Variants in COL5A2 observed in about 807,000 individuals in gnomAD.
COL5A2 encodes the protein collagen alpha-2(V) chain.
Under a neutral mutation model 208.2 loss-of-function variants are expected in COL5A2, and 23 were observed. That is an observed-to-expected ratio of 0.11 (90% CI 0.08 to 0.16). COL5A2 has a LOEUF of 0.16. Ranked by LOEUF, COL5A2 falls within the 10% of genes least tolerant of loss-of-function variation. The probability of loss-of-function intolerance (pLI) is 1.00; values close to 1 mark genes in which losing one functional copy is unlikely to be tolerated. For synonymous variants in COL5A2, 625 were observed against 628.5 expected, an observed-to-expected ratio of 0.99 and a Z score of 0.08; for missense variants, 1,590 against 1,956.4, an observed-to-expected ratio of 0.81 and a Z score of 3.53.
chr2:189,360,580 G>A, the COL5A2 span, among the ~76,000 whole-genome samples: 1 of 151,862 alleles, frequency 6.6e-6, no homozygotes, highest in African/African-American at 2.4e-5. Flanking sequence ...TTACTCCACT[G>A]TAGTCAGAAA....
the COL5A2 span, among the ~76,000 whole-genome samples, chr2:189,262,189 G>A: frequency 6.6e-6 from 1 of 152,046 alleles, no homozygotes; most frequent in African/African-American, 2.4e-5. Context: ...CTTTAGAGTT[G>A]TTCCCATCTA....
intron 1 of COL5A2, among the ~76,000 whole-genome samples, chr2:189,141,121 A>C (rs1213360261): frequency 6.6e-6 from 1 of 152,164 alleles, no homozygotes; most frequent in African/African-American, 2.4e-5. Context: ...GGACTTTGAC[A>C]GGCAGAGATG....
rs74899147 is a variant in COL5A2, at chr2:189,103,505, G to A, written c.336+759C>T. ...AACAGTTTCTACTGCCTTGATCCCT[G>A]TGCCCATCTCATTTGGATACAACTG... On this transcript the variant is annotated intron_variant, in intron 3 of 53. Coordinates refer to ENST00000374866, the MANE Select transcript of COL5A2 (RefSeq NM_000393.5). Among the ~76,000 whole-genome samples, 1,082 of 152,122 alleles carry A rather than the reference G, an allele frequency of 7.1e-3. 13 individuals carry two copies. Among genetic ancestry groups the A allele is most frequent in the African/African-American group, 0.024 (995 of 41,528 alleles).
chr2:189,153,802 C>A (rs2105790946), intron 1 of COL5A2, among the ~76,000 whole-genome samples: 1 of 152,156 alleles, frequency 6.6e-6, no homozygotes, highest in South Asian at 2.1e-4. Flanking sequence ...TTTGGTTGTT[C>A]TGGCAACACG....
the COL5A2 span, among the ~76,000 whole-genome samples, chr2:189,237,604 A>T: frequency 2.6e-5 from 4 of 151,846 alleles, 1 homozygote; most frequent in African/African-American, 7.2e-5. Context: ...TATAAGTAGA[A>T]CATTACTGTG....
In COL5A2 at chr2:189,098,883, A is replaced by G. The variant is rs953888520; in HGVS notation, c.370-124T>C. The G allele has an allele frequency of 1.0e-4, 68 of 680,744 alleles. No individual in the cohort carries two copies. The African/African-American group carries it at 1.0e-3, about 10-fold the overall frequency. The allele number at this position is 680,744 out of a possible 1,614,324, so 42.2% of individuals were successfully genotyped here. A position where few individuals can be genotyped will look rare whatever the true frequency, so the allele number is the denominator to read the frequency against. ...TTTTTTTAACAAATGGATGTTGTCA[A>G]TTGATGACCATTTCCTCCTCTCCTT... On this transcript the variant is annotated intron_variant, in intron 4 of 53. Coordinates refer to ENST00000374866, the MANE Select transcript of COL5A2 (RefSeq NM_000393.5).
chr2:189,196,320 G>T (rs558433848), intron 1 of COL5A2, among the ~76,000 whole-genome samples: 1 of 149,368 alleles, frequency 6.7e-6, no homozygotes, highest in South Asian at 2.2e-4. Flanking sequence ...TATTCTGGCT[G>T]CATTTTCTTT....
At chr2:189,266,744 A>G in the COL5A2 span, among the ~76,000 whole-genome samples, 1 of 152,086 alleles carries the variant, frequency 6.6e-6, no homozygotes, top group Non-Finnish European at 1.5e-5. Context: ...ACTGAATTAT[A>G]CACTTTAAAG....
At chr2:189,373,419 T>C in the COL5A2 span, among the ~76,000 whole-genome samples, 3 of 152,166 alleles carry the variant, frequency 2.0e-5, no homozygotes, top group Admixed American at 1.3e-4. Context: ...CAAATATTCA[T>C]CAACCAAAGG....
At chr2:189,047,155 C>T (rs1685687840) in intron 45 of COL5A2, among the ~76,000 whole-genome samples, 1 of 151,610 alleles carries the variant, frequency 6.6e-6, no homozygotes, top group African/African-American at 2.4e-5. Context: ...AGCACTTGTA[C>T]ATTTAGAATT....
At chr2:189,408,114 T>G in the COL5A2 span, among the ~76,000 whole-genome samples, 1 of 152,194 alleles carries the variant, frequency 6.6e-6, no homozygotes, top group Non-Finnish European at 1.5e-5. Flanking sequence ...TGAAATCCTC[T>G]CTAATCTGGG....
At chr2:189,409,184 T>A in the COL5A2 span, among the ~76,000 whole-genome samples, 1 of 149,378 alleles carries the variant, frequency 6.7e-6, no homozygotes, top group Admixed American at 6.8e-5. Flanking sequence ...TGACATTTTA[T>A]AGATTTTTAT....
At chr2:189,409,845 T>C in the COL5A2 span, among the ~76,000 whole-genome samples, 1 of 152,126 alleles carries the variant, frequency 6.6e-6, no homozygotes, top group Admixed American at 6.5e-5. Context: ...TAGTTTTCCA[T>C]CCACACCCAA....
intron 44 of COL5A2, 89 bp from the exon 45 acceptor site, chr2:189,048,351 C>T: frequency 8.5e-7 from 1 of 1,181,682 alleles, no homozygotes; most frequent in Non-Finnish European, 1.3e-6. Flanking sequence ...GCATGTTTTA[C>T]ACCTGTGTTT....
the COL5A2 span, among the ~76,000 whole-genome samples, chr2:189,293,375 A>G: frequency 6.6e-5 from 10 of 152,276 alleles, no homozygotes; most frequent in African/African-American, 2.4e-4. Flanking sequence ...GTTGGTACAT[A>G]AACATCCCAG....
intron 5 of COL5A2, chr2:189,097,599 G>C: frequency 1.6e-6 from 1 of 628,542 alleles, no homozygotes. Context: ...AGATTAGCTT[G>C]ACTAGTAATT....
chr2:189,301,197 T>A, the COL5A2 span, among the ~76,000 whole-genome samples: 1 of 151,186 alleles, frequency 6.6e-6, no homozygotes, highest in South Asian at 2.1e-4. Context: ...AAAAAAAAAA[T>A]GATCTGTGAC....
chr2:189,416,518 A>C, the COL5A2 span, among the ~76,000 whole-genome samples: 1 of 152,218 alleles, frequency 6.6e-6, no homozygotes, highest in Non-Finnish European at 1.5e-5. Flanking sequence ...CAATGAGAAC[A>C]CATGGACACA....
At chr2:189,356,466 C>T in the COL5A2 span, among the ~76,000 whole-genome samples, 3 of 152,238 alleles carry the variant, frequency 2.0e-5, no homozygotes, top group East Asian at 1.9e-4. Flanking sequence ...CTTGTCTTCT[C>T]GCTTTATTTC....
Sources: gnomAD v4.1 joint callset for allele counts (sites outside exome capture counted in the v4.1 genomes callset) on GRCh38, gnomAD v4.1.1 for gene constraint, MANE v1.5 for transcripts, NCBI Gene and HGNC (gene_info 2026-07-23, HGNC 2026-07-21) for gene names.